Variants in PACRG observed in about 807,000 individuals in gnomAD.
PACRG encodes parkin coregulated gene protein.
PACRG carries 29 observed loss-of-function variants against 29.7 expected under a neutral mutation model. The ratio of observed to expected loss-of-function variants is 0.98; its 90% confidence interval spans 0.73 to 1.33. The LOEUF is 1.33. PACRG is among the 40% of genes most tolerant of loss of function. The pLI is 0.00. For missense variants in PACRG, 279 were observed against 316.2 expected (o/e 0.88, Z 0.89); for synonymous variants, 116 against 118.7 (o/e 0.98, Z 0.15).
chr6:162,970,170 A>T (rs1331966976), intron 2 of PACRG, among the ~76,000 whole-genome samples: 2 of 152,204 alleles, frequency 1.3e-5, no homozygotes, highest in African/African-American at 2.4e-5. Context: ...CACCTGAAGC[A>T]AAAGAAATGA....
intron 3 of PACRG, among the ~76,000 whole-genome samples, chr6:163,076,005 C>G (rs1812503279): frequency 6.6e-6 from 1 of 152,196 alleles, no homozygotes; most frequent in African/African-American, 2.4e-5. Context: ...GCACATTTCA[C>G]TTCTATTCAC....
rs766392768 is a variant in PACRG, at chr6:163,315,030, G to A, written c.*43G>A. On this transcript the variant is annotated 3_prime_UTR_variant, in exon 5 of 5. Coordinates refer to ENST00000366888, the MANE Select transcript of PACRG (RefSeq NM_001080379.2). ...ACTTGAAACCTCCCGTTGGTGTTGGGATCATCTGTCTCTGTTGCTTTTAGC... is the reference window on the plus strand; with the variant it reads ...ACTTGAAACCTCCCGTTGGTGTTGGAATCATCTGTCTCTGTTGCTTTTAGC... 3 of 1,587,552 alleles carry A rather than the reference G, an allele frequency of 1.9e-6. No individual in the cohort carries two copies. In the East Asian group the frequency reaches 6.7e-5, roughly 36 times the overall value.
At chr6:163,145,707 C>A (rs1469128184) in intron 4 of PACRG, among the ~76,000 whole-genome samples, 1 of 152,220 alleles carries the variant, frequency 6.6e-6, no homozygotes, top group Non-Finnish European at 1.5e-5. Context: ...TTAATCCATC[C>A]TCTGAACCGA....
chr6:163,224,790 T>C (rs533832312), intron 4 of PACRG, among the ~76,000 whole-genome samples: 137 of 148,778 alleles, frequency 9.2e-4, no homozygotes, highest in African/African-American at 3.2e-3. Context: ...GTTGTTGTTG[T>C]TGTTGTTTTT....
intron 2 of PACRG, among the ~76,000 whole-genome samples, chr6:162,862,449 C>A (rs886567747): frequency 1.3e-5 from 2 of 152,086 alleles, no homozygotes; most frequent in African/African-American, 4.8e-5. Flanking sequence ...GAAAAGGCAA[C>A]GGGGATGCAT....
intron 2 of PACRG, chr6:162,957,181 C>T: frequency 6.6e-6 from 2 of 300,872 alleles, no homozygotes; most frequent in South Asian, 8.2e-5. Flanking sequence ...AGGGTCCTCA[C>T]CTGGAGAATG....
In PACRG at chr6:162,777,747, G is replaced by GTT. The variant is rs1448815558; in HGVS notation, c.157-36400_157-36399insTT. Among the ~76,000 whole-genome samples the GTT allele has an allele frequency of 6.6e-6, 1 of 152,082 alleles. No homozygotes were observed. Among genetic ancestry groups the GTT allele is most frequent in the Non-Finnish European group, 1.5e-5 (1 of 68,016 alleles). ...TTAACATATTCTGGAGCATCTTAAG[G>GTT]AAGACAGCCTTATAACTGAATCCTG... On this transcript the variant is annotated intron_variant, in intron 1 of 4. Coordinates refer to ENST00000366888, the MANE Select transcript of PACRG (RefSeq NM_001080379.2). This position sits in a 1 kb window ranked among gnomAD's most constrained non-coding sequence, Gnocchi z 4.0.
At chr6:162,827,114 T>G (rs1278257575) in intron 2 of PACRG, among the ~76,000 whole-genome samples, 2 of 152,130 alleles carry the variant, frequency 1.3e-5, no homozygotes, top group Non-Finnish European at 2.9e-5. Context: ...AAGACTTCAT[T>G]TACATAAATT....
intron 1 of PACRG, among the ~76,000 whole-genome samples, chr6:162,811,371 A>G (rs1308330059): frequency 6.6e-6 from 1 of 152,190 alleles, no homozygotes; most frequent in African/African-American, 2.4e-5. Flanking sequence ...CTACACTTGT[A>G]AGTTTAACTA....
chr6:162,929,374 G>GT (rs1797681045), intron 2 of PACRG, among the ~76,000 whole-genome samples: 1 of 151,348 alleles, frequency 6.6e-6, no homozygotes, highest in Non-Finnish European at 1.5e-5. Context: ...TTGGCTATTT[G>GT]TAAGTCTTCT....
intron 4 of PACRG, among the ~76,000 whole-genome samples, chr6:163,236,897 C>T (rs370186560): frequency 6.6e-6 from 1 of 152,182 alleles, no homozygotes; most frequent in African/African-American, 2.4e-5. Flanking sequence ...GCTCATCTTA[C>T]ATGGCTTGAG....
At chr6:163,244,495 T>C (rs1782620532) in intron 4 of PACRG, among the ~76,000 whole-genome samples, 1 of 152,202 alleles carries the variant, frequency 6.6e-6, no homozygotes. Context: ...GCTGCCTCCC[T>C]TTGTCATGCA....
At chr6:162,988,864 C>CT (rs1440240045) in intron 2 of PACRG, among the ~76,000 whole-genome samples, 1 of 152,028 alleles carries the variant, frequency 6.6e-6, no homozygotes, top group African/African-American at 2.4e-5. Flanking sequence ...AAACTGAAAA[C>CT]TATGAGTATG....
Position 162,747,404 on chromosome 6 carries a change from A to G in PACRG, c.156+19013A>G, listed in dbSNP as rs12212243. ...TGTATATATATGTATATATATATGT[A>G]TATATATATATAACTATAAATATAT... On this transcript the variant is annotated intron_variant, in intron 1 of 4. Transcript: ENST00000366888. Among the ~76,000 whole-genome samples the G allele has an allele frequency of 7.7e-4, 15 of 19,538 alleles. 4 individuals carry two copies. Among genetic ancestry groups the G allele is most frequent in the South Asian group, 7.8e-3 (2 of 258 alleles). 12.8% of individuals were successfully genotyped at this position (19,538 alleles called of 152,430 possible).
At chr6:162,747,794 T>C (rs1367422153) in intron 1 of PACRG, among the ~76,000 whole-genome samples, 1 of 151,756 alleles carries the variant, frequency 6.6e-6, no homozygotes, top group Non-Finnish European at 1.5e-5. Context: ...TAAACTAAGA[T>C]CCAGCCAAGA....
chr6:162,741,252 T>C (rs1436107856), intron 1 of PACRG, among the ~76,000 whole-genome samples: 1 of 152,192 alleles, frequency 6.6e-6, no homozygotes, highest in African/African-American at 2.4e-5. Context: ...CTGTGTGTTA[T>C]TGCTAGGGTA....
intron 4 of PACRG, among the ~76,000 whole-genome samples, chr6:163,131,135 G>T (rs188853680): frequency 6.6e-6 from 1 of 151,806 alleles, no homozygotes; most frequent in Non-Finnish European, 1.5e-5. Context: ...GTGAAACCCC[G>T]TCTCTACTAA....
intron 2 of PACRG, among the ~76,000 whole-genome samples, chr6:162,935,393 T>C (rs1798160172): frequency 9.4e-6 from 1 of 106,120 alleles, no homozygotes. Context: ...TGTTTTATTC[T>C]TTTTTTTTTT....
intron 4 of PACRG, among the ~76,000 whole-genome samples, chr6:163,122,112 GA>G (rs1816306900): frequency 6.6e-6 from 1 of 152,104 alleles, no homozygotes; most frequent in Non-Finnish European, 1.5e-5. Context: ...TATGGGCATT[GA>G]AATTGGTCTC....
Sources: gnomAD v4.1 joint callset for allele counts (sites outside exome capture counted in the v4.1 genomes callset) on GRCh38, gnomAD v4.1.1 for gene constraint, Gnocchi (gnomAD v3.1) non-coding constraint, MANE v1.5 for transcripts, NCBI Gene and HGNC (gene_info 2026-07-23, HGNC 2026-07-21) for gene names.